Variants in GNB5 observed in about 807,000 individuals in gnomAD.
The protein encoded by GNB5 is guanine nucleotide-binding protein subunit beta-5.
In GNB5, 37 loss-of-function variants were observed where a neutral mutation model predicts 55.3. The observed-to-expected ratio is 0.67, with a 90% confidence interval of 0.51 to 0.88. GNB5 has a LOEUF of 0.88. Among genes scored for constraint, GNB5 ranks in the 40% least tolerant of loss-of-function variants. The pLI, the probability that GNB5 is intolerant of heterozygous loss-of-function variation, is 0.00. For synonymous variants in GNB5, 219 were observed against 198.5 expected (o/e 1.10, Z -0.87); for missense variants, 476 against 515.3 (o/e 0.92, Z 0.74).
intron 3 of GNB5, among the ~76,000 whole-genome samples, chr15:52,172,428 C>T (rs1308764951): frequency 6.6e-6 from 1 of 151,958 alleles, no homozygotes; most frequent in African/African-American, 2.4e-5. Context: ...CATGCCCGGC[C>T]TCCTTTTATT....
intron 6 of GNB5, among the ~76,000 whole-genome samples, chr15:52,143,471 CAT>C (rs1231094587): frequency 1.3e-5 from 2 of 152,202 alleles, no homozygotes; most frequent in African/African-American, 4.8e-5. Context: ...GCCTTGCACA[CAT>C]GAGATCATAG....
At chr15:52,136,172 A>ACAC (rs1168734914) in intron 7 of GNB5, among the ~76,000 whole-genome samples, 1,531 of 99,988 alleles carry the variant, frequency 0.015, 58 homozygotes, top group South Asian at 0.025. Flanking sequence ...ACACACACAC[A>ACAC]CCCTACCTGC....
intron 3 of GNB5, among the ~76,000 whole-genome samples, chr15:52,178,674 C>T (rs2034699652): frequency 6.6e-6 from 1 of 152,188 alleles, no homozygotes; most frequent in Non-Finnish European, 1.5e-5. Context: ...GATTTCTAAG[C>T]TTAGAGTGCC....
At chr15:52,147,330 G>T in intron 6 of GNB5, 129 bp downstream of exon 6, 1 of 703,294 alleles carries the variant, frequency 1.4e-6, no homozygotes, top group Non-Finnish European at 2.6e-6. Context: ...CAAGTTCAGG[G>T]AAGGATTTAG....
At chr15:52,127,286 A>G (rs2033453883) in intron 10 of GNB5, among the ~76,000 whole-genome samples, 1 of 152,226 alleles carries the variant, frequency 6.6e-6, no homozygotes, top group South Asian at 2.1e-4. Context: ...TTCTTTGATT[A>G]TAGGTGACTT....
intron 11 of GNB5, 197 bp downstream of exon 11, chr15:52,125,751 G>T: frequency 1.8e-6 from 1 of 559,918 alleles, no homozygotes; most frequent in Non-Finnish European, 3.2e-6. Context: ...TTTCCCCCTG[G>T]AGTGAAGTTG....
At chr15:52,167,586 G>A (rs1216024979) in intron 3 of GNB5, among the ~76,000 whole-genome samples, 3 of 151,908 alleles carry the variant, frequency 2.0e-5, no homozygotes, top group Admixed American at 1.3e-4. Flanking sequence ...CAGGAGAATC[G>A]CCTGAACGCA....
In GNB5 at chr15:52,185,852, C is replaced by T. The variant is rs1214459541; in HGVS notation, c.-18-1158G>A. On this transcript the variant is annotated intron_variant, in intron 1 of 12. Coordinates refer to ENST00000261837, the MANE Select transcript of GNB5 (RefSeq NM_016194.4). ...GGAGTGCAGTGGCACAATCTTGGCT[C>T]ACTGCAACCTCGTTCTCCTGGGTTT... Among the ~76,000 whole-genome samples, 4 of 151,288 alleles carry T rather than the reference C, an allele frequency of 2.6e-5. No homozygotes were observed. In the East Asian group the frequency reaches 7.7e-4, roughly 29 times the overall value.
chr15:52,141,016 T>C, intron 7 of GNB5, 124 bp downstream of exon 7: 1 of 727,704 alleles, frequency 1.4e-6, no homozygotes, highest in African/African-American at 1.8e-5. Context: ...AGGAGCTTCC[T>C]CTTAGAGCAA....
Position 52,128,214 on chromosome 15 carries a change from T to C in GNB5, c.894A>G (p.Ser298=), listed in dbSNP as rs753910422. 6 of 1,611,200 alleles carry C rather than the reference T, an allele frequency of 3.7e-6. No homozygotes were observed. In the East Asian group the frequency reaches 8.9e-5, roughly 24 times the overall value. The change falls in exon 10 of 13, where the codon TCA becomes TCG. Residue 298 remains serine (S), a synonymous_variant. Transcript: ENST00000261837. ...RYYPSGDAFA[S]GSDDATCRLY... ...AACATACCGTAGCGTCATCTGACCCTGAAGCAAAGGCATCTCCACTGGGGT... is the reference window on the plus strand; with the variant it reads ...AACATACCGTAGCGTCATCTGACCCCGAAGCAAAGGCATCTCCACTGGGGT...
intron 3 of GNB5, among the ~76,000 whole-genome samples, chr15:52,176,995 A>G (rs12593939): frequency 0.17 from 21,747 of 130,904 alleles, 1,816 homozygotes; most frequent in Admixed American, 0.28. Flanking sequence ...TACACCAAAC[A>G]CACCCCCTCC....
At chr15:52,164,592 C>T (rs936176904) in intron 3 of GNB5, among the ~76,000 whole-genome samples, 3 of 152,060 alleles carry the variant, frequency 2.0e-5, no homozygotes, top group Non-Finnish European at 4.4e-5. Flanking sequence ...CACGACACTG[C>T]ACTCCAGCCT....
chr15:52,149,618 T>A (rs764456327), intron 5 of GNB5: 37 of 591,872 alleles, frequency 6.3e-5, no homozygotes, highest in Non-Finnish European at 1.1e-4. Context: ...AAGTTTTCCA[T>A]GCTTTGCCCA....
rs532188138 is a variant in GNB5, at chr15:52,124,520, G to A, written c.1129C>T (p.Pro377Ser). The A allele has an allele frequency of 8.1e-6, 13 of 1,613,960 alleles. No individual in the cohort carries two copies. The highest frequency in any genetic ancestry group is 7.7e-5 in the South Asian group (7 of 91,078). The change falls in exon 12 of 13, where the codon CCC (proline) becomes TCC (serine). Residue 377 changes from proline to serine, a missense_variant. By Grantham distance (74) the Pro-to-Ser change is moderately conservative (BLOSUM62 -1). Coordinates refer to ENST00000261837, the MANE Select transcript of GNB5 (RefSeq NM_016194.4). ...CCAGAGCAGAAAGCAGTCCCATCGG[G>A]GGAAACTCGTAGAGTGCTAACGCGG... ...ENRVSTLRVS[P>S]DGTAFCSGSW...
rs58614125 is a variant in GNB5 at position 52,190,778 on chromosome 15, T to TAAAAAAAAAAAA, written c.-19+532_-19+543dup. The stretch of plus-strand genomic sequence containing the variant: ...CCACAGAAAATAATGCTTATTTCCT[T>TAAAAAAAAAAAA]AAAAAAAAAAAAAAAAAAAAAAAAA... On this transcript the variant is annotated intron_variant, in intron 1 of 12. Coordinates refer to ENST00000261837, the MANE Select transcript of GNB5 (RefSeq NM_016194.4). Among the ~76,000 whole-genome samples, 11 of 96,932 alleles carry TAAAAAAAAAAAA rather than the reference T, an allele frequency of 1.1e-4. 1 individual carries two copies. Among genetic ancestry groups the TAAAAAAAAAAAA allele is most frequent in the African/African-American group, 4.8e-4 (11 of 22,692 alleles). The allele number at this position is 96,932 out of a possible 152,430, so 63.6% of individuals were successfully genotyped here.
intron 4 of GNB5, among the ~76,000 whole-genome samples, chr15:52,152,949 G>A (rs943250861): frequency 2.0e-5 from 3 of 152,212 alleles, no homozygotes; most frequent in African/African-American, 4.8e-5. Context: ...TGTGACTTCA[G>A]TTTATAGCTT....
At chr15:52,153,872 C>T in intron 4 of GNB5, 68 bp downstream of exon 4, 2 of 1,366,484 alleles carry the variant, frequency 1.5e-6, no homozygotes, top group South Asian at 1.3e-5. Context: ...TGGAAAGGGA[C>T]AGCTCTCCTC....
intron 6 of GNB5, among the ~76,000 whole-genome samples, chr15:52,144,765 T>C (rs1257041953): frequency 2.0e-5 from 3 of 152,074 alleles, no homozygotes; most frequent in African/African-American, 4.8e-5. Context: ...AAGCCCCCAA[T>C]AAAACCTCTG....
chr15:52,189,623 T>A (rs1028510577), intron 1 of GNB5, among the ~76,000 whole-genome samples: 10 of 152,286 alleles, frequency 6.6e-5, no homozygotes, highest in Admixed American at 5.9e-4. Context: ...AAAATGTACA[T>A]ACTAATTTTC....
Sources: gnomAD v4.1 joint callset for allele counts (sites outside exome capture counted in the v4.1 genomes callset) on GRCh38, gnomAD v4.1.1 for gene constraint, MANE v1.5 for transcripts, NCBI Gene and HGNC (gene_info 2026-07-23, HGNC 2026-07-21) for gene names.